Variants in NPR3 observed in about 807,000 individuals in gnomAD.
NPR3 encodes natriuretic peptide receptor 3, also known as atrial natriuretic peptide receptor 3.
A neutral mutation model predicts 54.5 loss-of-function variants in NPR3; 34 were observed. That is an observed-to-expected ratio of 0.62 (90% confidence interval 0.47 to 0.83). NPR3 has a LOEUF of 0.83. Among genes scored for constraint, NPR3 ranks in the 40% least tolerant of loss-of-function variants. The pLI, the probability that NPR3 is intolerant of heterozygous loss-of-function variation, is 0.00. For synonymous variants in NPR3, 289 were observed against 297.1 expected (o/e 0.97, Z 0.28); for missense variants, 674 against 720.8 (o/e 0.94, Z 0.74).
intron 3 of NPR3, among the ~76,000 whole-genome samples, chr5:32,764,559 G>A (rs1050298189): frequency 3.3e-5 from 5 of 151,800 alleles, no homozygotes; most frequent in Admixed American, 6.6e-5. Flanking sequence ...AGGCCGAGGC[G>A]GGTGGATCAC....
At chr5:32,773,259 CAG>C (rs1741866826) in intron 3 of NPR3, among the ~76,000 whole-genome samples, 1 of 152,132 alleles carries the variant, frequency 6.6e-6, no homozygotes, top group Admixed American at 6.6e-5. Context: ...ACTTTTTGTA[CAG>C]AGTTTTTTTG....
chr5:32,762,333 G>A (rs143285056), intron 3 of NPR3, among the ~76,000 whole-genome samples: 18,995 of 151,272 alleles, frequency 0.13, 1,456 homozygotes, highest in African/African-American at 0.2. Context: ...TAGGTCAAAT[G>A]GTATTTCTGG....
At chr5:32,753,332 T>C (rs1740670501) in intron 3 of NPR3, among the ~76,000 whole-genome samples, 1 of 152,288 alleles carries the variant, frequency 6.6e-6, no homozygotes, top group African/African-American at 2.4e-5. Context: ...TCTTTTTTTT[T>C]TTTTCCTGTA....
chr5:32,735,279 C>T (rs1739668980), intron 2 of NPR3, among the ~76,000 whole-genome samples: 1 of 152,092 alleles, frequency 6.6e-6, no homozygotes, highest in African/African-American at 2.4e-5. Context: ...TGCTTCTTTA[C>T]TGTTAACCTG....
chr5:32,722,954 A>C (rs897536817), intron 1 of NPR3, among the ~76,000 whole-genome samples: 1 of 152,114 alleles, frequency 6.6e-6, no homozygotes, highest in Non-Finnish European at 1.5e-5. Context: ...TTTTCTCTAG[A>C]GCTTTTATGC....
At chr5:32,758,658 T>G (rs2112005488) in intron 3 of NPR3, among the ~76,000 whole-genome samples, 1 of 152,260 alleles carries the variant, frequency 6.6e-6, no homozygotes, top group Non-Finnish European at 1.5e-5. Context: ...TTTGAATGTG[T>G]TTGCTCTTGC....
chr5:32,706,788 T>G (rs1738005006), upstream of NPR3, among the ~76,000 whole-genome samples: 1 of 152,186 alleles, frequency 6.6e-6, no homozygotes, highest in South Asian at 2.1e-4. Context: ...TCATTTTTTA[T>G]TTTTTTCAGT....
chr5:32,745,526 G>C (rs1013572967), intron 3 of NPR3, among the ~76,000 whole-genome samples: 10 of 152,174 alleles, frequency 6.6e-5, no homozygotes, highest in African/African-American at 2.4e-4. Flanking sequence ...TGCATCCCCT[G>C]ACTCCTGCCT....
intron 3 of NPR3, among the ~76,000 whole-genome samples, chr5:32,748,549 C>T (rs1254498777): frequency 6.6e-6 from 1 of 152,156 alleles, no homozygotes; most frequent in Non-Finnish European, 1.5e-5. Flanking sequence ...AGAGATGCTG[C>T]CCGAGGCAAA....
chr5:32,725,053 A>G lies in NPR3; in HGVS notation c.892+233A>G, dbSNP rs147064875. On this transcript the variant is annotated intron_variant, in intron 2 of 7. Transcript: ENST00000265074. ...AATCAAACACTGCATGCTCTCACTT[A>G]CAAGTGGGAGCTAAACATTGAGCAA... 3.9e-4 allele frequency among the ~76,000 whole-genome samples: 59 copies of G among 152,230 alleles called. No individual in the cohort carries two copies. The East Asian group carries it at 0.011, about 29-fold the overall frequency.
upstream of NPR3, among the ~76,000 whole-genome samples, chr5:32,709,240 A>G (rs904454061): frequency 3.9e-5 from 6 of 152,076 alleles, no homozygotes; most frequent in Non-Finnish European, 7.4e-5. Flanking sequence ...CCGCAGAGTA[A>G]TAGGAAACAC....
chr5:32,739,161 C>A, intron 3 of NPR3, 131 bp downstream of exon 3: 1 of 842,466 alleles, frequency 1.2e-6, no homozygotes, highest in Non-Finnish European at 1.8e-6. Context: ...GTCACTGTTG[C>A]CTTCTGTGTG....
rs997027737 is a variant in NPR3, at chr5:32,788,579, T to G, written c.*2234T>G. On this transcript the variant is annotated 3_prime_UTR_variant, in exon 8 of 8. Coordinates refer to ENST00000265074, the MANE Select transcript of NPR3 (RefSeq NM_001204375.2). ...TACAGGGGAAAAATAATCTACCTGG[T>G]TGCAGTCTTTGAGTATAAACATTTC... is the stretch of plus-strand genomic sequence containing the variant. 1 of 152,248 alleles carries G rather than the reference T, an allele frequency of 6.6e-6. No homozygotes were observed. The highest frequency in any genetic ancestry group is 1.5e-5 in the Non-Finnish European group (1 of 68,044). The allele number at this position is 152,248 out of a possible 1,614,324, so 9.4% of individuals were successfully genotyped here.
chr5:32,724,098 GA>G (rs1739009214), intron 1 of NPR3, among the ~76,000 whole-genome samples: 1 of 152,096 alleles, frequency 6.6e-6, no homozygotes, highest in African/African-American at 2.4e-5. Context: ...GCATAATTAT[GA>G]AAAGTAAGAA....
chr5:32,712,693 T>A lies in NPR3; in HGVS notation c.769+148T>A, dbSNP rs553291425. 817 of 727,816 alleles carry A rather than the reference T, an allele frequency of 1.1e-3. 8 individuals are homozygous for A. In the African/African-American group the frequency reaches 0.013, roughly 12 times the overall value. The allele number at this position is 727,816 out of a possible 1,614,324, so 45.1% of individuals were successfully genotyped here. On this transcript the variant is annotated intron_variant, in intron 1 of 7. Coordinates refer to ENST00000265074, the MANE Select transcript of NPR3 (RefSeq NM_001204375.2). ...GGCACTCGTTCAGGTATGCGCCGTG[T>A]GGCTGCGACAACCTTTGACGACCGC...
intron 2 of NPR3, among the ~76,000 whole-genome samples, chr5:32,736,465 T>C (rs1022099133): frequency 3.9e-5 from 6 of 152,266 alleles, no homozygotes; most frequent in African/African-American, 1.2e-4. Flanking sequence ...GAGAGAACTT[T>C]TTTCCAGAGC....
At position 32,774,856 on chromosome 5, in the gene NPR3, T is replaced by C. The variant is rs1270790958; in HGVS notation, c.1195+13T>C. On this transcript the variant is annotated intron_variant, in intron 4 of 7. Coordinates refer to ENST00000265074, the MANE Select transcript of NPR3 (RefSeq NM_001204375.2). The stretch of plus-strand genomic sequence containing the variant: ...AGAACATTTGAAGGTGGGGATTCCA[T>C]CTATAAGGCAATTACATGGGGCCAA... 1.9e-6 allele frequency: 3 copies of C among 1,604,648 alleles called. No homozygotes were observed. Among genetic ancestry groups the C allele is most frequent in the East Asian group, 4.5e-5 (2 of 44,826 alleles).
intron 1 of NPR3, among the ~76,000 whole-genome samples, chr5:32,694,926 T>G (rs1017283968): frequency 6.6e-6 from 1 of 152,202 alleles, no homozygotes; most frequent in African/African-American, 2.4e-5. Context: ...TTTTAATTTT[T>G]AGCTCCAACA....
At position 32,787,567 on chromosome 5, in the gene NPR3, T is replaced by A. The variant is rs1357617619; in HGVS notation, c.*1222T>A. On this transcript the variant is annotated 3_prime_UTR_variant, in exon 8 of 8. Coordinates refer to ENST00000265074, the MANE Select transcript of NPR3 (RefSeq NM_001204375.2). ...TGGCATTTACCAAAATTCCCAGTGA[T>A]TATTTTGTTTAAAAGAGGGAACCTA... The A allele has an allele frequency of 2.0e-5, 3 of 152,226 alleles. No individual in the cohort carries two copies. The highest frequency in any genetic ancestry group is 7.2e-5 in the African/African-American group (3 of 41,462). The allele number at this position is 152,226 out of a possible 1,614,324, so 9.4% of individuals were successfully genotyped here.
Sources: allele counts gnomAD v4.1 joint callset (sites outside exome capture counted in the v4.1 genomes callset), GRCh38; gene constraint gnomAD v4.1.1; transcripts MANE v1.5; gene names NCBI Gene and HGNC (gene_info 2026-07-23, HGNC 2026-07-21).